The following QTGAL variants were observed in gnomAD, a reference collection of about 807,000 sequenced individuals.
QTGAL encodes the protein queuosine-tRNA galactosyltransferase.
At chr17:82,998,873 G>A in the QTGAL span, among the ~76,000 whole-genome samples, 54 of 151,874 alleles carry the variant, frequency 3.6e-4, 1 homozygote, top group South Asian at 0.01. Flanking sequence ...ATACATCTAC[G>A]AAAAGATGTT....
the QTGAL span, among the ~76,000 whole-genome samples, chr17:82,952,138 G>A: frequency 1.3e-5 from 2 of 152,240 alleles, no homozygotes; most frequent in South Asian, 2.1e-4. Flanking sequence ...CTCTGCTCAC[G>A]TTGTTCTGCC....
chr17:83,025,086 A>G, the QTGAL span, among the ~76,000 whole-genome samples: 41 of 152,000 alleles, frequency 2.7e-4, no homozygotes, highest in Non-Finnish European at 4.7e-4. Flanking sequence ...ACAGTAACTA[A>G]TGATAACTCA....
chr17:82,971,514 C>T, the QTGAL span, among the ~76,000 whole-genome samples: 3 of 151,850 alleles, frequency 2.0e-5, no homozygotes, highest in Admixed American at 6.6e-5. Context: ...GAAACCAAGG[C>T]GAGGACCAGC....
At chr17:83,045,631 C>T in the QTGAL span, among the ~76,000 whole-genome samples, 6 of 151,858 alleles carry the variant, frequency 4.0e-5, no homozygotes, top group African/African-American at 9.7e-5. Flanking sequence ...GGGACACTCT[C>T]GAGAGGGTGA....
chr17:82,950,886 G>A, the QTGAL span, among the ~76,000 whole-genome samples: 1 of 152,190 alleles, frequency 6.6e-6, no homozygotes, highest in Non-Finnish European at 1.5e-5. Context: ...GCTGCCACCT[G>A]GGCCTTGCCG....
At chr17:83,032,034 T>TCAGAC in the QTGAL span, among the ~76,000 whole-genome samples, 2 of 152,124 alleles carry the variant, frequency 1.3e-5, no homozygotes, top group Admixed American at 6.5e-5. Context: ...AACAACCGGG[T>TCAGAC]CAGACCAGGC....
At chr17:83,018,454 CAT>C in the QTGAL span, among the ~76,000 whole-genome samples, 53 of 148,684 alleles carry the variant, frequency 3.6e-4, no homozygotes, top group Non-Finnish European at 7.0e-4. Flanking sequence ...AAAACACACA[CAT>C]ACACTTTTTT....
the QTGAL span, among the ~76,000 whole-genome samples, chr17:82,955,048 C>A: frequency 1.3e-5 from 2 of 152,200 alleles, no homozygotes; most frequent in Non-Finnish European, 2.9e-5. Flanking sequence ...CAATACCATT[C>A]AGGACATAGG....
chr17:82,992,819 A>G, the QTGAL span, among the ~76,000 whole-genome samples: 1 of 152,202 alleles, frequency 6.6e-6, no homozygotes, highest in Admixed American at 6.5e-5. Context: ...GTGGGGGACA[A>G]AGTTAAGGTA....
At chr17:83,025,145 C>CCA in the QTGAL span, among the ~76,000 whole-genome samples, 1 of 151,160 alleles carries the variant, frequency 6.6e-6, no homozygotes, top group Non-Finnish European at 1.5e-5. Context: ...ACTGTGAAGT[C>CCA]CACACACACA....
the QTGAL span, among the ~76,000 whole-genome samples, chr17:83,000,388 G>A: frequency 5.3e-5 from 8 of 152,316 alleles, no homozygotes; most frequent in East Asian, 1.9e-4. Flanking sequence ...CCGGCAGGAG[G>A]GGTTTGTAAA....
chr17:82,954,922 T>A, the QTGAL span, among the ~76,000 whole-genome samples: 1 of 152,204 alleles, frequency 6.6e-6, no homozygotes, highest in Non-Finnish European at 1.5e-5. Flanking sequence ...GAAAACTGGC[T>A]AGCCACATGC....
At chr17:82,973,268 A>G in the QTGAL span, among the ~76,000 whole-genome samples, 1 of 152,104 alleles carries the variant, frequency 6.6e-6, no homozygotes, top group African/African-American at 2.4e-5. Context: ...CACAAAGCAA[A>G]TAACGACTCT....
At chr17:83,051,697 C>G in the QTGAL span, 32 of 1,451,126 alleles carry the variant, frequency 2.2e-5, no homozygotes, top group Non-Finnish European at 2.7e-5. Context: ...ACGCGAGGAC[C>G]CAGCCTGCAC....
At chr17:83,038,377 A>C in the QTGAL span, among the ~76,000 whole-genome samples, 1 of 152,212 alleles carries the variant, frequency 6.6e-6, no homozygotes, top group Non-Finnish European at 1.5e-5. Context: ...TTATTGGCAG[A>C]ATTCATACAA....
chr17:83,016,174 T>C, the QTGAL span, among the ~76,000 whole-genome samples: 2 of 152,212 alleles, frequency 1.3e-5, no homozygotes, highest in Middle Eastern at 3.4e-3. Context: ...TATCTCATGA[T>C]AAAAAAATTA....
the QTGAL span, among the ~76,000 whole-genome samples, chr17:82,996,477 G>A: frequency 1.4e-4 from 21 of 149,612 alleles, no homozygotes; most frequent in Middle Eastern, 3.2e-3. Flanking sequence ...AGCCGAGAAC[G>A]CGCGACTGCA....
the QTGAL span, among the ~76,000 whole-genome samples, chr17:82,982,282 A>C: frequency 6.6e-6 from 1 of 152,256 alleles, no homozygotes; most frequent in South Asian, 2.1e-4. Flanking sequence ...ATAAATCTCC[A>C]AAACATTTTC....
At chr17:83,040,603 G>A in the QTGAL span, among the ~76,000 whole-genome samples, 1 of 152,086 alleles carries the variant, frequency 6.6e-6, no homozygotes. Context: ...GAGTCAGACT[G>A]GTGTAAGATT....
Sources: gnomAD v4.1 joint callset for allele counts (sites outside exome capture counted in the v4.1 genomes callset) on GRCh38, gnomAD v4.1.1 for gene constraint, MANE v1.5 for transcripts, NCBI Gene and HGNC (gene_info 2026-07-23, HGNC 2026-07-21) for gene names.